Variants in MEGF8 observed in about 807,000 individuals in gnomAD.
The protein encoded by MEGF8 is multiple EGF like domains 8.
In MEGF8, 156 loss-of-function variants were observed where a neutral mutation model predicts 302.9. The ratio of observed to expected loss-of-function variants is 0.52; its 90% CI spans 0.45 to 0.59. The LOEUF (loss-of-function observed/expected upper bound fraction) is 0.59. Ranked by LOEUF, MEGF8 falls within the 20% of genes least tolerant of loss-of-function variation. The probability of loss-of-function intolerance (pLI) is 0.00; values close to 1 mark genes in which losing one functional copy is unlikely to be tolerated. For synonymous variants in MEGF8, 1,621 were observed against 1,660.5 expected (o/e 0.98, Z 0.58); for missense variants, 3,345 against 3,964.5 (o/e 0.84, Z 4.20).
chr19:42,367,415 C>T (rs979628151), intron 35 of MEGF8, among the ~76,000 whole-genome samples: 5 of 151,852 alleles, frequency 3.3e-5, no homozygotes, highest in African/African-American at 4.8e-5. Flanking sequence ...CAGCCTCCTG[C>T]GTAGCTGGGA....
Position 42,356,251 on chromosome 19 carries a change from C to T in MEGF8, c.4503+58C>T. The T allele has an allele frequency of 6.6e-7, 1 of 1,525,122 alleles. No individual in the cohort carries two copies. The highest frequency in any genetic ancestry group is 8.8e-7 in the Non-Finnish European group (1 of 1,132,330). 94.5% of individuals were successfully genotyped at this position (1,525,122 alleles called of 1,614,324 possible). On this transcript the variant is annotated intron_variant, in intron 25 of 41. Coordinates refer to ENST00000251268, the MANE Select transcript of MEGF8 (RefSeq NM_001271938.2). The surrounding 1 kb of genome is among the most constrained non-coding windows in gnomAD (Gnocchi z 5.2). ...TTGCTCCCAGGTCGTTCTCCCACCT[C>T]CATTCCTGGGACCACCCCTACACCC... is the stretch of plus-strand genomic sequence containing the variant.
Position 42,375,797 on chromosome 19 carries a change from C to G in MEGF8, c.7560C>G (p.Gly2520=). ...TGGTCCGTGTGGCCCCTGACACTGGCGTCCATACTGTACACATCCAGCCAC... is the reference window on the plus strand; with the variant it reads ...TGGTCCGTGTGGCCCCTGACACTGGGGTCCATACTGTACACATCCAGCCAC... ...TFVVRVAPDT[G]VHTVHIQPPP... The change falls in exon 42 of 42, where the codon GGC becomes GGG. Residue 2520 remains glycine, a synonymous_variant. Coordinates refer to ENST00000251268, the MANE Select transcript of MEGF8 (RefSeq NM_001271938.2). This position sits in a 1 kb window ranked among gnomAD's most constrained non-coding sequence, Gnocchi z 7.1. 1 of 1,612,906 alleles carries G rather than the reference C, an allele frequency of 6.2e-7. No individual in the cohort carries two copies. Among genetic ancestry groups the G allele is most frequent in the African/African-American group, 1.3e-5 (1 of 75,034 alleles).
At chr19:42,363,002 G>A (rs201232345) in intron 34 of MEGF8, 46 bp from the exon 35 acceptor site, 1 of 1,530,284 alleles carries the variant, frequency 6.5e-7, no homozygotes, top group East Asian at 2.3e-5. Context: ...GGCTGGGCTT[G>A]CGATCTCCTG....
In MEGF8 at chr19:42,351,424, C is replaced by A. The variant is rs371677951; in HGVS notation, c.2856-5C>A. 1 of 1,591,324 alleles carries A rather than the reference C, an allele frequency of 6.3e-7. No individual in the cohort carries two copies. The highest frequency in any genetic ancestry group is 2.3e-5 in the East Asian group (1 of 43,746). On this transcript the variant is annotated splice_region_variant and splice_polypyrimidine_tract_variant and intron_variant, in intron 16 of 41. Coordinates refer to ENST00000251268, the MANE Select transcript of MEGF8 (RefSeq NM_001271938.2). This position sits in a 1 kb window ranked among gnomAD's most constrained non-coding sequence, Gnocchi z 5.6. Reference sequence around the variant, plus strand: ...AGTGACCTGGCCCCCTGCTCCCCACCCCAGGCGACTGACCTGTGAGGACTG... The same window carrying A: ...AGTGACCTGGCCCCCTGCTCCCCACACCAGGCGACTGACCTGTGAGGACTG...
Position 42,357,284 on chromosome 19 carries a change from G to C in MEGF8, c.4831-120G>C. Reference sequence around the variant, plus strand: ...ACCCAGGCTGGTCCGACTGGCCCTGGGGGGGTCATTCCCTCCTTAGTACTT... The same window carrying C: ...ACCCAGGCTGGTCCGACTGGCCCTGCGGGGGTCATTCCCTCCTTAGTACTT... On this transcript the variant is annotated intron_variant, in intron 27 of 41. Coordinates refer to ENST00000251268, the MANE Select transcript of MEGF8 (RefSeq NM_001271938.2). The surrounding 1 kb of genome is among the most constrained non-coding windows in gnomAD (Gnocchi z 5.2). The C allele has an allele frequency of 7.9e-7, 1 of 1,270,302 alleles. No homozygotes were observed. The highest frequency in any genetic ancestry group is 1.1e-6 in the Non-Finnish European group (1 of 915,848). 78.7% of individuals were successfully genotyped at this position (1,270,302 alleles called of 1,614,324 possible). A position where few individuals can be genotyped will look rare whatever the true frequency, so the allele number is the denominator to read the frequency against.
chr19:42,340,639 G>C (rs2039199007), intron 8 of MEGF8, among the ~76,000 whole-genome samples: 1 of 152,024 alleles, frequency 6.6e-6, no homozygotes. Flanking sequence ...ACCGTGCCCG[G>C]CCAGGCATTA....
chr19:42,357,661 C>CAGAGCACAGCAGTGGA lies in MEGF8; in HGVS notation c.5011+77_5011+78insAGAGCACAGCAGTGGA. 2.3e-6 allele frequency: 3 copies of CAGAGCACAGCAGTGGA among 1,321,592 alleles called. No homozygotes were observed. Among genetic ancestry groups the CAGAGCACAGCAGTGGA allele is most frequent in the Non-Finnish European group, 3.1e-6 (3 of 968,256 alleles). 81.9% of individuals were successfully genotyped at this position (1,321,592 alleles called of 1,614,324 possible). On this transcript the variant is annotated intron_variant, in intron 28 of 41. Transcript: ENST00000251268. This position sits in a 1 kb window ranked among gnomAD's most constrained non-coding sequence, Gnocchi z 5.2. The stretch of plus-strand genomic sequence containing the variant: ...GGGCTTCCTGTGGGCTCTCCATCCA[C>CAGAGCACAGCAGTGGA]TGCTGTGCTCTGTGGCCACCTGTCT...
rs1015567789 is a variant in MEGF8, at chr19:42,348,123, T to C, written c.2098-149T>C. ...TTGCCTCTTTTCCCAGAGTGACCTTTGACAAGCCACCTAACCCCTGTCCCT... is the reference window on the plus strand; with the variant it reads ...TTGCCTCTTTTCCCAGAGTGACCTTCGACAAGCCACCTAACCCCTGTCCCT... On this transcript the variant is annotated intron_variant, in intron 12 of 41. Coordinates refer to ENST00000251268, the MANE Select transcript of MEGF8 (RefSeq NM_001271938.2). 28 of 716,534 alleles carry C rather than the reference T, an allele frequency of 3.9e-5. No homozygotes were observed. The East Asian group carries it at 8.1e-4, about 21-fold the overall frequency. The allele number at this position is 716,534 out of a possible 1,614,324, so 44.4% of individuals were successfully genotyped here.
chr19:42,339,254 T>C (rs2039179628), intron 8 of MEGF8, among the ~76,000 whole-genome samples: 1 of 152,238 alleles, frequency 6.6e-6, no homozygotes, highest in Non-Finnish European at 1.5e-5. Flanking sequence ...TTGGGGTATA[T>C]ACCCGATAAT....
In MEGF8 at chr19:42,368,308, C is replaced by A; in HGVS notation, c.6274-147C>A. The A allele has an allele frequency of 1.5e-6, 1 of 661,566 alleles. No individual in the cohort carries two copies. The highest frequency in any genetic ancestry group is 2.6e-6 in the Non-Finnish European group (1 of 387,126). The allele number at this position is 661,566 out of a possible 1,614,324, so 41.0% of individuals were successfully genotyped here. On this transcript the variant is annotated intron_variant, in intron 35 of 41. Transcript: ENST00000251268. The surrounding 1 kb of genome is among the most constrained non-coding windows in gnomAD (Gnocchi z 4.9). Reference sequence around the variant, plus strand: ...GAGAGGGAAAACATGATGACCCCAGCTAGTGTCCACTTTGCTCTACCTGTG... The same window carrying A: ...GAGAGGGAAAACATGATGACCCCAGATAGTGTCCACTTTGCTCTACCTGTG...
intron 8 of MEGF8, among the ~76,000 whole-genome samples, chr19:42,337,659 A>G (rs982881894): frequency 1.3e-5 from 2 of 150,392 alleles, no homozygotes; most frequent in Non-Finnish European, 3.0e-5. Context: ...GGCGCCTGCC[A>G]CCTCACCTGG....
intron 31 of MEGF8, among the ~76,000 whole-genome samples, chr19:42,360,202 G>A (rs538309985): frequency 1.3e-5 from 2 of 149,086 alleles, no homozygotes; most frequent in South Asian, 4.2e-4. Context: ...GAGTTGTCCA[G>A]CCGCCACATC....
rs768717655 is a variant in MEGF8 at position 42,344,569 on chromosome 19, C to T, written c.1917C>T (p.Ser639=). ...TGGGCTGGTGCGTGCACAATGAGAG[C>T]TGCCTCCCTAGGCCTGGTGAGTGTC... ...GTLGWCVHNE[S]CLPRPEQARC... Residue 639 remains serine, a synonymous_variant, in exon 11 of 42, where the codon AGC becomes AGT. Transcript: ENST00000251268. This position sits in a 1 kb window ranked among gnomAD's most constrained non-coding sequence, Gnocchi z 4.5. The T allele has an allele frequency of 6.3e-7, 1 of 1,597,014 alleles. No homozygotes were observed. Among genetic ancestry groups the T allele is most frequent in the Non-Finnish European group, 8.5e-7 (1 of 1,175,432 alleles).
At chr19:42,361,402 GAA>G (rs1600064184) in intron 32 of MEGF8, among the ~76,000 whole-genome samples, 1 of 152,178 alleles carries the variant, frequency 6.6e-6, no homozygotes, top group African/African-American at 2.4e-5. Flanking sequence ...CCTGGACACT[GAA>G]AGTGTTTTCT....
Position 42,358,232 on chromosome 19 carries a change from C to G in MEGF8, c.5100C>G (p.Ala1700=), listed in dbSNP as rs1020286286. ...TCCGATTCCATGTGGAGCTGGCGGC[C>G]CCATCCCCCGAGCTCTACTCCCTGC... ...GGFRFHVELA[A]PSPELYSLHC... The change falls in exon 29 of 42, where the codon GCC becomes GCG. Residue 1700 remains alanine (A), a synonymous_variant. Transcript: ENST00000251268. This position sits in a 1 kb window ranked among gnomAD's most constrained non-coding sequence, Gnocchi z 4.4. 2 of 1,600,986 alleles carry G rather than the reference C, an allele frequency of 1.2e-6. No individual in the cohort carries two copies. The highest frequency in any genetic ancestry group is 1.7e-4 in the Middle Eastern group (1 of 6,048).
Position 42,358,859 on chromosome 19 carries a change from TG to T in MEGF8, c.5253del (p.Phe1752SerfsTer28), listed in dbSNP as rs754534130. ...GQVPGEQPGS[W>X]GFREVRKKMA... ...AGTTCCTGGGGAGCAGCCTGGGTCATGGGGGTTCCGGGAAGTCAGGAAGAAG... is the reference window on the plus strand; with the variant it reads ...AGTTCCTGGGGAGCAGCCTGGGTCATGGGGTTCCGGGAAGTCAGGAAGAAG... On this transcript the variant is annotated frameshift_variant, in exon 30 of 42. Coordinates refer to ENST00000251268, the MANE Select transcript of MEGF8 (RefSeq NM_001271938.2). LOFTEE classifies it high-confidence loss of function. This position sits in a 1 kb window ranked among gnomAD's most constrained non-coding sequence, Gnocchi z 4.4. The T allele has an allele frequency of 3.1e-6, 5 of 1,609,656 alleles. No individual in the cohort carries two copies. Among genetic ancestry groups the T allele is most frequent in the African/African-American group, 1.3e-5 (1 of 74,760 alleles).
At position 42,357,282 on chromosome 19, in the gene MEGF8, TG is replaced by T. The variant is rs1189853637; in HGVS notation, c.4831-115del. The T allele has an allele frequency of 4.3e-5, 54 of 1,261,586 alleles. No homozygotes were observed. Among genetic ancestry groups the T allele is most frequent in the Non-Finnish European group, 5.5e-5 (50 of 908,926 alleles). 78.1% of individuals were successfully genotyped at this position (1,261,586 alleles called of 1,614,324 possible). ...GGACCCAGGCTGGTCCGACTGGCCC[TG>T]GGGGGGTCATTCCCTCCTTAGTACT... is the stretch of plus-strand genomic sequence containing the variant. On this transcript the variant is annotated intron_variant, in intron 27 of 41. Transcript: ENST00000251268. This position sits in a 1 kb window ranked among gnomAD's most constrained non-coding sequence, Gnocchi z 5.2.
rs1029403215 is a variant in MEGF8, at chr19:42,357,814, C to T, written c.5011+230C>T. Among the ~76,000 whole-genome samples, 1 of 152,200 alleles carries T rather than the reference C, an allele frequency of 6.6e-6. No homozygotes were observed. The highest frequency in any genetic ancestry group is 1.5e-5 in the Non-Finnish European group (1 of 68,032). ...GCCACATGTGGCCACCGTCCCCTGC[C>T]CCCAGGGTCTGAGCTCCCTGCTTCT... On this transcript the variant is annotated intron_variant, in intron 28 of 41. Transcript: ENST00000251268. The surrounding 1 kb of genome is among the most constrained non-coding windows in gnomAD (Gnocchi z 5.2).
chr19:42,370,163 C>T, intron 38 of MEGF8, 26 bp from the exon 39 acceptor site: 1 of 1,593,818 alleles, frequency 6.3e-7, no homozygotes, highest in South Asian at 1.1e-5. Flanking sequence ...TCCAGCCTCT[C>T]TAACTACCCT....
Sources: gnomAD v4.1 joint callset for allele counts (sites outside exome capture counted in the v4.1 genomes callset) on GRCh38, gnomAD v4.1.1 for gene constraint, Gnocchi (gnomAD v3.1) non-coding constraint, MANE v1.5 for transcripts, NCBI Gene and HGNC (gene_info 2026-07-23, HGNC 2026-07-21) for gene names.